TPRG1: variants seen among roughly 807,000 people sequenced by gnomAD.
TPRG1 encodes tumor protein p63 regulated 1, also known as tumor protein p63-regulated gene 1 protein.
Under a neutral mutation model 29.3 loss-of-function variants are expected in TPRG1, and 29 were observed. The ratio of observed to expected loss-of-function variants is 0.99; its 90% confidence interval spans 0.74 to 1.35. TPRG1 has a LOEUF of 1.35. TPRG1 is among the 40% of genes most tolerant of loss of function. The probability of loss-of-function intolerance (pLI) is 0.00; values close to 1 mark genes in which losing one functional copy is unlikely to be tolerated. For synonymous variants in TPRG1, 130 were observed against 116.8 expected (o/e 1.11, Z -0.73); for missense variants, 327 against 335.0 (o/e 0.98, Z 0.19).
At chr3:189,051,498 A>G (rs568945635) in intron 4 of TPRG1, among the ~76,000 whole-genome samples, 1 of 152,330 alleles carries the variant, frequency 6.6e-6, no homozygotes, top group Non-Finnish European at 1.5e-5. Context: ...TAGAATCAAT[A>G]TTGTGAAAAT....
At chr3:189,137,296 ATGTGTG>A (rs10525363) in intron 3 of TPRG1, among the ~76,000 whole-genome samples, 12,446 of 129,764 alleles carry the variant, frequency 0.096, 1,015 homozygotes, top group African/African-American at 0.25. Flanking sequence ...AAACCCCAAA[ATGTGTG>A]TGTGTGTGTG....
chr3:189,205,706 T>C (rs915025255), intron 1 of TPRG1, among the ~76,000 whole-genome samples: 2 of 152,244 alleles, frequency 1.3e-5, no homozygotes, highest in African/African-American at 2.4e-5. Flanking sequence ...ATTGATAACA[T>C]GCTCACTGTC....
At chr3:189,263,800 G>A (rs1713561234) in intron 4 of TPRG1, among the ~76,000 whole-genome samples, 1 of 152,210 alleles carries the variant, frequency 6.6e-6, no homozygotes, top group South Asian at 2.1e-4. Flanking sequence ...AATCAGAAGT[G>A]CATCTTGATG....
intron 4 of TPRG1, among the ~76,000 whole-genome samples, chr3:189,293,350 C>T (rs576773012): frequency 6.6e-6 from 1 of 152,230 alleles, no homozygotes; most frequent in African/African-American, 2.4e-5. Context: ...GCAGGGCTAG[C>T]CACTTTCTTC....
chr3:189,207,414 C>A lies in TPRG1; in HGVS notation c.30C>A (p.Phe10Leu), dbSNP rs200386987. The A allele has an allele frequency of 7.4e-6, 12 of 1,613,774 alleles. No homozygotes were observed. Among genetic ancestry groups the A allele is most frequent in the Non-Finnish European group, 1.0e-5 (12 of 1,179,930 alleles). The change falls in exon 2 of 6, where the codon TTC (phenylalanine) becomes TTA (leucine). Residue 10 changes from phenylalanine to leucine, a missense_variant. By Grantham distance (22) the Phe-to-Leu change is conservative. Transcript: ENST00000345063. Reference sequence around the variant, plus strand: ...CAACAATTGGGAGTTTTGAAGGATTCCAGGCTGTGTCTCTGAAGCAAGAGG... The same window carrying A: ...CAACAATTGGGAGTTTTGAAGGATTACAGGCTGTGTCTCTGAAGCAAGAGG... MSTIGSFEG[F>L]QAVSLKQEGD...
chr3:189,264,224 T>G (rs1270549426), intron 4 of TPRG1, among the ~76,000 whole-genome samples: 1 of 152,150 alleles, frequency 6.6e-6, no homozygotes. Flanking sequence ...CTTTCTTGGG[T>G]CAATGGTTAA....
At chr3:189,193,753 C>G (rs1279971782) in intron 1 of TPRG1, among the ~76,000 whole-genome samples, 1 of 150,780 alleles carries the variant, frequency 6.6e-6, no homozygotes, top group East Asian at 1.9e-4. Flanking sequence ...TTTCTGTTTG[C>G]TGCTTTATGT....
rs183683456 is a variant in TPRG1, at chr3:189,053,212, T to C, written c.-463+29266T>C. On this transcript the variant is annotated intron_variant, in intron 4 of 10. Transcript: ENST00000433971. The stretch of plus-strand genomic sequence containing the variant: ...TGCACTTTTAGGAAGACAGCTTTTT[T>C]CTTTAAACCTCATGAACCAACTTAT... 3.0e-3 allele frequency among the ~76,000 whole-genome samples: 459 copies of C among 152,342 alleles called. 1 individual carries two copies. The highest frequency in any genetic ancestry group is 0.011 in the African/African-American group (440 of 41,580).
chr3:189,209,661 T>C (rs1215370003), intron 2 of TPRG1, among the ~76,000 whole-genome samples: 1 of 152,202 alleles, frequency 6.6e-6, no homozygotes, highest in Non-Finnish European at 1.5e-5. Context: ...TGCAGCTAGA[T>C]TCCGGGTCTT....
chr3:189,228,529 T>G (rs777658013), intron 3 of TPRG1, among the ~76,000 whole-genome samples: 2 of 152,180 alleles, frequency 1.3e-5, no homozygotes, highest in Non-Finnish European at 2.9e-5. Flanking sequence ...AAATATATCA[T>G]CATATCAACT....
At position 189,088,798 on chromosome 3, in the gene TPRG1, T is replaced by C. The variant is rs926583982; in HGVS notation, c.-462-38259T>C. On this transcript the variant is annotated intron_variant, in intron 4 of 10. Transcript: ENST00000433971. ...AAAGGTTTGCACTTGAATTAGGAGG[T>C]CAAATTAACATCTGTTGCTGTGAAA... Among the ~76,000 whole-genome samples, 6 of 152,152 alleles carry C rather than the reference T, an allele frequency of 3.9e-5. No homozygotes were observed. In the South Asian group the frequency reaches 1.2e-3, roughly 32 times the overall value.
intron 4 of TPRG1, 53 bp from the exon 5 acceptor site, chr3:189,310,333 T>TC: frequency 6.7e-7 from 1 of 1,491,304 alleles, no homozygotes; most frequent in Non-Finnish European, 9.0e-7. Flanking sequence ...ATTCTATTTT[T>TC]TTTTTTTTGG....
intron 5 of TPRG1, chr3:189,313,013 G>A (rs1722950238): frequency 6.6e-6 from 1 of 151,490 alleles, no homozygotes; most frequent in Admixed American, 6.6e-5. Flanking sequence ...TTCCTTTAAG[G>A]CTTTTCTCCT....
intron 3 of TPRG1, among the ~76,000 whole-genome samples, chr3:189,009,187 T>C (rs571268063): frequency 8.1e-4 from 123 of 152,214 alleles, no homozygotes; most frequent in Admixed American, 6.6e-3. Flanking sequence ...GCCCACCGGC[T>C]GGCTATGAGA....
chr3:189,222,922 C>G (rs745721127), intron 3 of TPRG1, among the ~76,000 whole-genome samples: 1 of 152,160 alleles, frequency 6.6e-6, no homozygotes, highest in African/African-American at 2.4e-5. Context: ...TCTGCTAACC[C>G]GGCCTTCTCC....
At chr3:189,131,007 C>T (rs1170210108) in intron 2 of TPRG1, among the ~76,000 whole-genome samples, 1 of 152,162 alleles carries the variant, frequency 6.6e-6, no homozygotes, top group Admixed American at 6.5e-5. Context: ...TTACCTCTGG[C>T]CGGTAAAATA....
At chr3:189,101,520 A>G (rs1485985851) in intron 1 of TPRG1, among the ~76,000 whole-genome samples, 3 of 152,150 alleles carry the variant, frequency 2.0e-5, no homozygotes, top group African/African-American at 7.2e-5. Context: ...TTCTCTCCAC[A>G]GTCATTGAAT....
chr3:189,013,760 C>G (rs142793303), intron 3 of TPRG1, among the ~76,000 whole-genome samples: 8 of 151,892 alleles, frequency 5.3e-5, no homozygotes, highest in African/African-American at 1.9e-4. Flanking sequence ...ATATATGAAC[C>G]CTCTACCCTT....
At chr3:189,006,439 C>A (rs566107401) in intron 3 of TPRG1, among the ~76,000 whole-genome samples, 1 of 152,256 alleles carries the variant, frequency 6.6e-6, no homozygotes, top group African/African-American at 2.4e-5. Flanking sequence ...AGAGACACCC[C>A]TGTTGGGATA....
Sources: gnomAD v4.1 joint callset for allele counts (sites outside exome capture counted in the v4.1 genomes callset) on GRCh38, gnomAD v4.1.1 for gene constraint, MANE v1.5 for transcripts, NCBI Gene and HGNC (gene_info 2026-07-23, HGNC 2026-07-21) for gene names.